Variants in DIP2B observed in about 807,000 individuals in gnomAD.
DIP2B encodes the protein DIP2 acetate--CoA ligase B (putative), also known as disco-interacting protein 2 homolog B.
In DIP2B, 76 loss-of-function variants were observed where a neutral mutation model predicts 198.0. The observed-to-expected ratio is 0.38, with a 90% confidence interval of 0.32 to 0.46. The LOEUF (loss-of-function observed/expected upper bound fraction) is 0.46, where lower values mean the gene tolerates loss of function less well. Ranked by LOEUF, DIP2B falls within the 20% of genes least tolerant of loss-of-function variation. The pLI, the probability that DIP2B is intolerant of heterozygous loss-of-function variation, is 0.99. For synonymous variants in DIP2B, 701 were observed against 739.1 expected (o/e 0.95, Z 0.84); for missense variants, 1,559 against 1,978.4 (o/e 0.79, Z 4.02).
At chr12:50,575,286 G>T (rs11169496) in intron 1 of DIP2B, among the ~76,000 whole-genome samples, 3 of 152,056 alleles carry the variant, frequency 2.0e-5, no homozygotes, top group Non-Finnish European at 2.9e-5. Context: ...CAACAACTCA[G>T]AAACCCTTGC....
intron 1 of DIP2B, among the ~76,000 whole-genome samples, chr12:50,575,376 T>TTTTG (rs1406341899): frequency 1.5e-3 from 224 of 145,126 alleles, no homozygotes; most frequent in Admixed American, 2.8e-3. Flanking sequence ...GGCTTGTTTT[T>TTTTG]TTTTGTTTTG....
intron 1 of DIP2B, among the ~76,000 whole-genome samples, chr12:50,575,207 T>A (rs1958648404): frequency 1.3e-5 from 2 of 152,154 alleles, no homozygotes; most frequent in African/African-American, 4.8e-5. Flanking sequence ...CATATTTGTA[T>A]CCAGCTCTCT....
In DIP2B at chr12:50,678,870, A is replaced by G. The variant is rs773226169; in HGVS notation, c.1108A>G (p.Thr370Ala). ...GACAGGGAAACCAGTTTACACTCTT[A>G]CATATGGTGAGTCTGCAAGATTCCA... Reference protein sequence around the residue: ...DMTGKPVYTLTYGKLWSRSLK... With the variant: ...DMTGKPVYTLAYGKLWSRSLK... Residue 370 changes from threonine to alanine, a missense_variant, in exon 8 of 38, where the codon ACA becomes GCA. By Grantham distance (58) the Thr-to-Ala change is moderately conservative. Coordinates refer to ENST00000301180, the MANE Select transcript of DIP2B (RefSeq NM_173602.3). The G allele has an allele frequency of 9.9e-6, 16 of 1,614,200 alleles. No homozygotes were observed. In the South Asian group the frequency reaches 1.5e-4, roughly 16 times the overall value.
At chr12:50,620,645 C>T (rs1415328613) in intron 1 of DIP2B, among the ~76,000 whole-genome samples, 1 of 150,174 alleles carries the variant, frequency 6.7e-6, no homozygotes, top group African/African-American at 2.4e-5. Flanking sequence ...CTCAAAAAAA[C>T]TTGAACAACA....
At chr12:50,632,124 C>T (rs1938067094) in intron 2 of DIP2B, among the ~76,000 whole-genome samples, 1 of 152,006 alleles carries the variant, frequency 6.6e-6, no homozygotes, top group Non-Finnish European at 1.5e-5. Context: ...GGCTACCACA[C>T]CCTGCCTAGT....
At chr12:50,688,418 G>A (rs1012193452) in intron 12 of DIP2B, among the ~76,000 whole-genome samples, 6 of 152,146 alleles carry the variant, frequency 3.9e-5, no homozygotes, top group African/African-American at 1.2e-4. Flanking sequence ...TTGGGAGGCT[G>A]AGGGAGCTGG....
At chr12:50,595,549 TC>T (rs1277683368) in intron 1 of DIP2B, among the ~76,000 whole-genome samples, 1 of 152,148 alleles carries the variant, frequency 6.6e-6, no homozygotes, top group African/African-American at 2.4e-5. Flanking sequence ...AAGCAATCTG[TC>T]TGCCTTGGCT....
At chr12:50,507,895 A>AT (rs1236338078) in intron 1 of DIP2B, among the ~76,000 whole-genome samples, 1 of 145,984 alleles carries the variant, frequency 6.9e-6, no homozygotes, top group African/African-American at 2.5e-5. Flanking sequence ...CTCTATTTTC[A>AT]TTTTTTCTTT....
chr12:50,580,244 G>C (rs1446821253), intron 1 of DIP2B, among the ~76,000 whole-genome samples: 1 of 148,672 alleles, frequency 6.7e-6, no homozygotes, highest in Non-Finnish European at 1.5e-5. Flanking sequence ...ACTACACACT[G>C]TTGCCCCAAA....
intron 1 of DIP2B, among the ~76,000 whole-genome samples, chr12:50,555,434 C>T (rs545726501): frequency 6.6e-6 from 1 of 152,248 alleles, no homozygotes; most frequent in South Asian, 2.1e-4. Context: ...ACCTGCTTTC[C>T]AAATTTCAAA....
At position 50,524,936 on chromosome 12, in the gene DIP2B, G is replaced by A. The variant is rs906352191; in HGVS notation, c.100+19696G>A. Among the ~76,000 whole-genome samples the A allele has an allele frequency of 7.9e-5, 12 of 152,240 alleles. No homozygotes were observed. In the East Asian group the frequency reaches 2.1e-3, roughly 27 times the overall value. ...ATACAGGGTCTTGCCATGTTTCCCA[G>A]GCTAGTCTCAAATTCTTGGGCTCGA... is the stretch of plus-strand genomic sequence containing the variant. On this transcript the variant is annotated intron_variant, in intron 1 of 37. Coordinates refer to ENST00000301180, the MANE Select transcript of DIP2B (RefSeq NM_173602.3).
intron 1 of DIP2B, among the ~76,000 whole-genome samples, chr12:50,603,154 ACT>A (rs1452307087): frequency 1.3e-5 from 2 of 150,608 alleles, no homozygotes; most frequent in Non-Finnish European, 3.0e-5. Context: ...ACAGAGCGAG[ACT>A]CTGTCTCAAA....
chr12:50,729,371 T>C (rs1939995870), intron 30 of DIP2B, among the ~76,000 whole-genome samples: 1 of 152,230 alleles, frequency 6.6e-6, no homozygotes, highest in Non-Finnish European at 1.5e-5. Context: ...GTGCTACACC[T>C]GTATGTACAT....
intron 1 of DIP2B, among the ~76,000 whole-genome samples, chr12:50,555,358 C>T (rs573457302): frequency 6.6e-6 from 1 of 152,296 alleles, no homozygotes; most frequent in South Asian, 2.1e-4. Flanking sequence ...CCTTCCCATC[C>T]CTACCCTGTG....
intron 1 of DIP2B, among the ~76,000 whole-genome samples, chr12:50,624,587 C>A (rs1396265072): frequency 6.6e-6 from 1 of 152,196 alleles, no homozygotes; most frequent in Non-Finnish European, 1.5e-5. Context: ...CCACCTCGAC[C>A]TACTGAAGTG....
intron 1 of DIP2B, among the ~76,000 whole-genome samples, chr12:50,578,763 C>T (rs1242898988): frequency 2.0e-5 from 3 of 152,156 alleles, no homozygotes; most frequent in Non-Finnish European, 4.4e-5. Context: ...CCGCCTCGGC[C>T]TCCCAAAGTG....
Position 50,699,100 on chromosome 12 carries a change from C to T in DIP2B, c.2223C>T (p.Pro741=). 1 of 1,614,154 alleles carries T rather than the reference C, an allele frequency of 6.2e-7. No homozygotes were observed. The highest frequency in any genetic ancestry group is 8.5e-7 in the Non-Finnish European group (1 of 1,180,024). Reference sequence around the variant, plus strand: ...GCATTGTGAAACCAGATGGACCTCCCCAGCTCTGCAAAACAGATGAAATTG... The same window carrying T: ...GCATTGTGAAACCAGATGGACCTCCTCAGCTCTGCAAAACAGATGAAATTG... ...MMCIVKPDGP[P]QLCKTDEIGE... The change falls in exon 19 of 38, where the codon CCC becomes CCT. Residue 741 remains proline (P), a synonymous_variant. Transcript: ENST00000301180.
Position 50,683,210 on chromosome 12 carries a change from GTGATTCCA to G in DIP2B, c.1280_1287del (p.Val427GlyfsTer33). The stretch of plus-strand genomic sequence containing the variant: ...TTTCTATGGATGCCTCCTGGCAGAA[GTGATTCCA>G]GTGCCTATAGAGGTACCTCTTACCA... On this transcript the variant is annotated frameshift_variant, in exon 10 of 38. Transcript: ENST00000301180. LOFTEE classifies it high-confidence loss of function. The G allele has an allele frequency of 6.2e-7, 1 of 1,612,986 alleles. No homozygotes were observed.
At chr12:50,537,153 G>T (rs1411425694) in intron 1 of DIP2B, among the ~76,000 whole-genome samples, 6 of 54,248 alleles carry the variant, frequency 1.1e-4, no homozygotes, top group African/African-American at 3.8e-4. Context: ...TAGAGACAGG[G>T]TCTCACTTTG....
Sources: allele counts gnomAD v4.1 joint callset (sites outside exome capture counted in the v4.1 genomes callset), GRCh38; gene constraint gnomAD v4.1.1; transcripts MANE v1.5; gene names NCBI Gene and HGNC (gene_info 2026-07-23, HGNC 2026-07-21).